Variants in KIF7 observed in about 807,000 individuals in gnomAD.
The protein encoded by KIF7 is kinesin family member 7.
A neutral mutation model predicts 135.7 loss-of-function variants in KIF7; 104 were observed. The observed-to-expected ratio is 0.77, with a 90% CI of 0.65 to 0.90. The LOEUF (loss-of-function observed/expected upper bound fraction) is 0.90. Ranked by LOEUF, KIF7 falls within the 40% of genes least tolerant of loss-of-function variation. The pLI is 0.00. For missense variants in KIF7, 2,005 were observed against 1,839.1 expected, an observed-to-expected ratio of 1.09 and a Z score of -1.65; for synonymous variants, 883 against 809.4, an observed-to-expected ratio of 1.09 and a Z score of -1.54.
Position 89,633,861 on chromosome 15 carries a change from G to C in KIF7, c.2417C>G (p.Ala806Gly), listed in dbSNP as rs146186236. ...QVQVLKEKKQ[A>G]TERLVSLSAQ... ...CGACAGTGACACCAGCCGCTCCGTA[G>C]CCTGCTTCTTCTCCTTCAGCACCTG... Residue 806 changes from alanine (A) to glycine (G), a missense_variant, in exon 12 of 19, where the codon GCT (alanine) becomes GGT (glycine). Ala to Gly is a moderately conservative substitution (Grantham distance 60). Coordinates refer to ENST00000394412, the MANE Select transcript of KIF7 (RefSeq NM_198525.3). The C allele has an allele frequency of 3.7e-6, 6 of 1,613,766 alleles. No homozygotes were observed. The highest frequency in any genetic ancestry group is 5.1e-6 in the Non-Finnish European group (6 of 1,180,040).
In KIF7 at chr15:89,632,919, C is replaced by A. The variant is rs1474183051; in HGVS notation, c.2796G>T (p.Leu932=). The change falls in exon 14 of 19, where the codon CTG becomes CTT. Residue 932 remains leucine, a synonymous_variant. Coordinates refer to ENST00000394412, the MANE Select transcript of KIF7 (RefSeq NM_198525.3). ...CCTCCCGCTTGTGGAGCTCCTCCCC[C>A]AGCTCCTCCAGCGCCCGCCGCTGCT... is the stretch of plus-strand genomic sequence containing the variant. ...VLQQRRALEE[L]GEELHKREAI... 15 of 1,610,394 alleles carry A rather than the reference C, an allele frequency of 9.3e-6. No homozygotes were observed. Among genetic ancestry groups the A allele is most frequent in the African/African-American group, 2.7e-5 (2 of 74,884 alleles).
chr15:89,642,982 T>G (rs1020868116), intron 10 of KIF7, among the ~76,000 whole-genome samples: 2 of 152,226 alleles, frequency 1.3e-5, no homozygotes, highest in Non-Finnish European at 2.9e-5. Context: ...AACCTGTATA[T>G]AATTAAGCCT....
rs1285971751 is a variant in KIF7, at chr15:89,652,750, G to A, written c.181C>T (p.Leu61=). ...RDRHFGFHVV[L]AEDAGQEAVY... ...GCCTCCTGCCCCGCATCCTCGGCCAGCACCACGTGGAAGCCAAAGTGTCGG... is the reference window on the plus strand; with the variant it reads ...GCCTCCTGCCCCGCATCCTCGGCCAACACCACGTGGAAGCCAAAGTGTCGG... The change falls in exon 2 of 19, where the codon CTG becomes TTG. Residue 61 remains leucine (L), a synonymous_variant. Transcript: ENST00000394412. The A allele has an allele frequency of 1.3e-6, 2 of 1,551,684 alleles. No homozygotes were observed. The highest frequency in any genetic ancestry group is 1.2e-5 in the South Asian group (1 of 84,062).
At chr15:89,623,572 A>C, downstream of KIF7, 1 of 1,527,948 alleles carries the variant, frequency 6.5e-7, no homozygotes, top group South Asian at 1.3e-5. Context: ...AACACTTCAG[A>C]GATCATGAGT....
rs1365475877 is a variant in KIF7, at chr15:89,648,705, G to C, written c.993C>G (p.Ser331=). 1.3e-6 allele frequency: 2 copies of C among 1,536,152 alleles called. No individual in the cohort carries two copies. Among genetic ancestry groups the C allele is most frequent in the African/African-American group, 2.7e-5 (2 of 73,026 alleles). ...GGGTGTTGAGGGTCTCGTCGAAGTC[G>C]GAGGAGGAAGGGCTGACGCAGGCGA... is the stretch of plus-strand genomic sequence containing the variant. The part of the protein sequence containing the change: ...VMIACVSPSS[S]DFDETLNTLN... The change falls in exon 5 of 19, where the codon TCC becomes TCG. Residue 331 remains serine, a synonymous_variant. Transcript: ENST00000394412.
At position 89,646,921 on chromosome 15, in the gene KIF7, G is replaced by A. The variant is rs536773143; in HGVS notation, c.1697C>T (p.Ala566Val). ...PGSFVPRPHT[A>V]PLGGAHAHVL... ...ATGGGCGTGGGCACCCCCCAGGGGG[G>A]CTGTATGAGGTCGAGGCACAAAGGA... is the stretch of plus-strand genomic sequence containing the variant. The change falls in exon 7 of 19, where the codon GCC becomes GTC. Residue 566 changes from alanine to valine, a missense_variant. Transcript: ENST00000394412. The A allele has an allele frequency of 6.2e-7, 1 of 1,614,010 alleles. No homozygotes were observed. Among genetic ancestry groups the A allele is most frequent in the Non-Finnish European group, 8.5e-7 (1 of 1,180,002 alleles).
At chr15:89,662,867 T>A in the KIF7 span, among the ~76,000 whole-genome samples, 2 of 152,250 alleles carry the variant, frequency 1.3e-5, no homozygotes, top group Non-Finnish European at 2.9e-5. Context: ...GCAGGTTTAG[T>A]GTACCTTGCT....
rs193256686 is a variant in KIF7 at position 89,652,364 on chromosome 15, G to A, written c.328+239C>T. ...GGTCCCCAGAGCCAGGCAGCATGGC[G>A]CCATCTCTATGGAGGTGAGAAGGCC... On this transcript the variant is annotated intron_variant, in intron 2 of 18. Coordinates refer to ENST00000394412, the MANE Select transcript of KIF7 (RefSeq NM_198525.3). 4.9e-3 allele frequency among the ~76,000 whole-genome samples: 753 copies of A among 152,214 alleles called. 5 individuals are homozygous for A. The highest frequency in any genetic ancestry group is 0.017 in the African/African-American group (689 of 41,530).
At chr15:89,626,096 T>G, downstream of KIF7, 2 of 1,604,006 alleles carry the variant, frequency 1.2e-6, no homozygotes, top group East Asian at 2.2e-5. Context: ...CCCTTTCCTG[T>G]GACAGACTGT....
In KIF7 at chr15:89,629,166, G is replaced by C. The variant is rs969029275; in HGVS notation, c.3518-44C>G. 4 of 1,598,532 alleles carry C rather than the reference G, an allele frequency of 2.5e-6. No homozygotes were observed. In the East Asian group the frequency reaches 6.8e-5, roughly 27 times the overall value. The stretch of plus-strand genomic sequence containing the variant: ...GGAGAGGGTGGTGAGGGCTGCAGGC[G>C]GGGCAGGCGGCCAGGGCTGTGGGGG... On this transcript the variant is annotated intron_variant, in intron 17 of 18. Coordinates refer to ENST00000394412, the MANE Select transcript of KIF7 (RefSeq NM_198525.3).
upstream of KIF7, among the ~76,000 whole-genome samples, chr15:89,656,332 A>G (rs1964206696): frequency 6.6e-6 from 1 of 151,468 alleles, no homozygotes; most frequent in Non-Finnish European, 1.5e-5. Flanking sequence ...CAGTGGCAAC[A>G]TTACCAAGGA....
Position 89,649,027 on chromosome 15 carries a change from C to A in KIF7, c.870G>T (p.Gly290=). The part of the protein sequence containing the change: ...LALGNVISAL[G]DPQRRGSHIP... ...TGTGGCTGCCCCGGCGCTGAGGGTC[C>A]CCCAGGGCGCTGATGACGTTGCCCA... Residue 290 remains glycine, a synonymous_variant, in exon 4 of 19, where the codon GGG becomes GGT. Coordinates refer to ENST00000394412, the MANE Select transcript of KIF7 (RefSeq NM_198525.3). The A allele has an allele frequency of 6.5e-7, 1 of 1,548,244 alleles. No homozygotes were observed. Among genetic ancestry groups the A allele is most frequent in the African/African-American group, 1.4e-5 (1 of 73,140 alleles).
chr15:89,625,919 A>C (rs768778631), downstream of KIF7: 1 of 1,554,794 alleles, frequency 6.4e-7, no homozygotes, highest in African/African-American at 1.4e-5. Context: ...TGCTCTTACT[A>C]TGTGGGATCT....
intron 2 of KIF7, among the ~76,000 whole-genome samples, 194 bp downstream of exon 2, chr15:89,652,409 T>TC (rs1277661939): frequency 1.3e-5 from 2 of 152,100 alleles, no homozygotes; most frequent in Non-Finnish European, 2.9e-5. Flanking sequence ...CAACGACCCT[T>TC]CCTTCCTGCC....
At chr15:89,624,175 A>C, downstream of KIF7, 6 of 1,614,106 alleles carry the variant, frequency 3.7e-6, no homozygotes, top group Non-Finnish European at 5.1e-6. Flanking sequence ...GGATAAAGCT[A>C]TCAAAACTCC....
chr15:89,647,789 C>G (rs2142026855), intron 5 of KIF7, 77 bp from the exon 6 acceptor site: 1 of 1,128,600 alleles, frequency 8.9e-7, no homozygotes, highest in East Asian at 2.6e-5. Context: ...CTTGTTTAGC[C>G]CTGCTTTCTA....
At chr15:89,638,224 T>C (rs1231662178) in intron 11 of KIF7, among the ~76,000 whole-genome samples, 2 of 107,960 alleles carry the variant, frequency 1.9e-5, no homozygotes, top group African/African-American at 6.8e-5. Flanking sequence ...AGCATTCCCT[T>C]TGAAAACTGG....
At position 89,629,007 on chromosome 15, in the gene KIF7, G is replaced by T; in HGVS notation, c.3633C>A (p.Leu1211=). The part of the protein sequence containing the change: ...MWINQELKQK[L]GGVNAVGHSR... ...TGTGGCCTACAGCGTTCACACCGCC[G>T]AGCTTCTGTTTCAGTTCCTGGTTTA... Residue 1211 remains leucine, a synonymous_variant, in exon 18 of 19, where the codon CTC becomes CTA. Transcript: ENST00000394412. The T allele has an allele frequency of 1.9e-6, 3 of 1,613,684 alleles. No homozygotes were observed. Among genetic ancestry groups the T allele is most frequent in the Non-Finnish European group, 2.5e-6 (3 of 1,179,958 alleles).
rs1459778502 is a variant in KIF7 at position 89,652,744 on chromosome 15, C to T, written c.187G>A (p.Glu63Lys). ...RHFGFHVVLA[E>K]DAGQEAVYQA... ...TACACGGCCTCCTGCCCCGCATCCTCGGCCAGCACCACGTGGAAGCCAAAG... is the reference window on the plus strand; with the variant it reads ...TACACGGCCTCCTGCCCCGCATCCTTGGCCAGCACCACGTGGAAGCCAAAG... The change falls in exon 2 of 19, where the codon GAG (glutamate) becomes AAG (lysine). Residue 63 changes from glutamate (E) to lysine (K), a missense_variant. Glu to Lys is a moderately conservative substitution (Grantham distance 56). Coordinates refer to ENST00000394412, the MANE Select transcript of KIF7 (RefSeq NM_198525.3). 8 of 1,551,724 alleles carry T rather than the reference C, an allele frequency of 5.2e-6. No individual in the cohort carries two copies. The highest frequency in any genetic ancestry group is 2.7e-5 in the African/African-American group (2 of 73,196).
Sources: gnomAD v4.1 joint callset for allele counts (sites outside exome capture counted in the v4.1 genomes callset) on GRCh38, gnomAD v4.1.1 for gene constraint, MANE v1.5 for transcripts, NCBI Gene and HGNC (gene_info 2026-07-23, HGNC 2026-07-21) for gene names.